The following TET2 variants were observed in gnomAD, a reference collection of about 807,000 sequenced individuals.
TET2 encodes methylcytosine dioxygenase TET2.
TET2 carries 299 observed loss-of-function variants against 142.9 expected under a neutral mutation model. The observed-to-expected ratio is 2.09, with a 90% CI of 1.90 to 2.30. The LOEUF (loss-of-function observed/expected upper bound fraction) is 2.30. Ranked by LOEUF, TET2 falls within the 30% of genes most tolerant of loss-of-function variation. The pLI is 0.00. For missense variants in TET2, 2,418 were observed against 2,378.0 expected, an observed-to-expected ratio of 1.02 and a Z score of -0.35; for synonymous variants, 819 against 849.0, an observed-to-expected ratio of 0.96 and a Z score of 0.61.
At chr4:105,262,317 T>C (rs2726458) in intron 8 of TET2, among the ~76,000 whole-genome samples, 97,092 of 152,050 alleles carry the variant, frequency 0.64, 32,164 homozygotes, top group African/African-American at 0.83. Context: ...CAGATTTTGC[T>C]GATCTTCCTT....
chr4:105,178,669 C>T (rs1422225782), intron 1 of TET2, among the ~76,000 whole-genome samples: 1 of 152,006 alleles, frequency 6.6e-6, no homozygotes, highest in Non-Finnish European at 1.5e-5. Context: ...TCTGTGGGGA[C>T]AGGGGTATAT....
chr4:105,148,986 A>T (rs1723170891), intron 1 of TET2, among the ~76,000 whole-genome samples: 1 of 152,190 alleles, frequency 6.6e-6, no homozygotes, highest in East Asian at 1.9e-4. Flanking sequence ...CATGATTACA[A>T]GGGAGAAGCA....
chr4:105,155,581 T>G (rs909285030), intron 1 of TET2, among the ~76,000 whole-genome samples: 1 of 152,244 alleles, frequency 6.6e-6, no homozygotes, highest in Non-Finnish European at 1.5e-5. Flanking sequence ...TCTAACCTTA[T>G]GTAATTCTAG....
intron 3 of TET2, 181 bp downstream of exon 3, chr4:105,237,532 G>T: frequency 1.3e-6 from 2 of 1,570,510 alleles, no homozygotes; most frequent in South Asian, 1.2e-5. Flanking sequence ...TTGTGAAAGA[G>T]AACTTCACTT....
intron 6 of TET2, among the ~76,000 whole-genome samples, chr4:105,244,985 C>CT (rs1464202811): frequency 6.6e-6 from 1 of 152,210 alleles, no homozygotes; most frequent in Non-Finnish European, 1.5e-5. Context: ...ATCCACCAAA[C>CT]TATAGAATCA....
chr4:105,150,052 A>G (rs940264544), intron 1 of TET2, among the ~76,000 whole-genome samples: 2 of 152,210 alleles, frequency 1.3e-5, no homozygotes, highest in Non-Finnish European at 2.9e-5. Flanking sequence ...TTGTAAGTCA[A>G]ATGTCACTAT....
intron 1 of TET2, among the ~76,000 whole-genome samples, chr4:105,151,496 C>G (rs984391300): frequency 4.0e-5 from 6 of 150,006 alleles, no homozygotes; most frequent in African/African-American, 1.5e-4. Flanking sequence ...TATATATTTT[C>G]AATATATAAT....
intron 1 of TET2, among the ~76,000 whole-genome samples, chr4:105,189,502 TCTC>T (rs968165688): frequency 4.0e-5 from 6 of 151,168 alleles, no homozygotes; most frequent in African/African-American, 1.4e-4. Context: ...AGCTTTTTAA[TCTC>T]CTCCAATTTG....
intron 1 of TET2, among the ~76,000 whole-genome samples, chr4:105,156,802 C>G (rs1723589225): frequency 6.6e-6 from 1 of 152,120 alleles, no homozygotes; most frequent in South Asian, 2.1e-4. Context: ...AGTAGAGCAC[C>G]AGAATGTGAG....
In TET2 at chr4:105,275,537, A is replaced by G; in HGVS notation, c.5027A>G (p.His1676Arg). 1 of 1,551,670 alleles carries G rather than the reference A, an allele frequency of 6.4e-7. No homozygotes were observed. The highest frequency in any genetic ancestry group is 8.7e-7 in the Non-Finnish European group (1 of 1,146,958). ...PLSKLSLPPI[H>R]TLYQPRFGNS... ...TCTAAGCTCAGTCTACCACCCATCC[A>G]TACACTTTACCAGCCAAGGTTTGGA... The change falls in exon 11 of 11, where the codon CAT (histidine) becomes CGT (arginine). Residue 1676 changes from histidine to arginine, a missense_variant. Transcript: ENST00000380013.
At chr4:105,269,582 C>G in intron 8 of TET2, 28 bp from the exon 9 acceptor site, 1 of 1,549,114 alleles carries the variant, frequency 6.5e-7, no homozygotes, top group Non-Finnish European at 8.7e-7. Flanking sequence ...TAACTACTTT[C>G]GCATTCACAC....
rs1199619016 is a variant in TET2 at position 105,235,637 on chromosome 4, T to G, written c.1695T>G (p.Ile565Met). The G allele has an allele frequency of 6.2e-7, 1 of 1,614,164 alleles. No individual in the cohort carries two copies. The highest frequency in any genetic ancestry group is 1.1e-5 in the South Asian group (1 of 91,086). The change falls in exon 3 of 11, where the codon ATT becomes ATG. Residue 565 changes from isoleucine (I) to methionine (M), a missense_variant. By Grantham distance (10) the Ile-to-Met change is conservative. Transcript: ENST00000380013. Reference protein sequence around the residue: ...PTQHYLKPGWIELKAPRFHQA... With the variant: ...PTQHYLKPGWMELKAPRFHQA... ...AGCACTATCTGAAACCAGGATGGAT[T>G]GAATTGAAGGCCCCTCGTTTTCACC...
rs1728676794 is a variant in TET2, at chr4:105,234,104, G to A, written c.162G>A (p.Trp54Ter). 1.2e-6 allele frequency: 2 copies of A among 1,613,908 alleles called. No individual in the cohort carries two copies. The highest frequency in any genetic ancestry group is 1.7e-6 in the Non-Finnish European group (2 of 1,180,012). ...AHPEVNGDTK[W>*]HSFKSYYGIP... ...CAGAAGTAAATGGAGACACCAAGTGGCACTCTTTCAAAAGTTATTATGGAA... is the reference window on the plus strand; with the variant it reads ...CAGAAGTAAATGGAGACACCAAGTGACACTCTTTCAAAAGTTATTATGGAA... The change falls in exon 3 of 11, where the codon TGG (tryptophan) becomes TGA (stop). Residue 54 changes from tryptophan to a stop codon, truncating the protein, a stop_gained. Transcript: ENST00000380013. LOFTEE classifies it high-confidence loss of function.
intron 8 of TET2, among the ~76,000 whole-genome samples, chr4:105,265,966 G>A (rs1053596131): frequency 2.0e-5 from 3 of 152,140 alleles, no homozygotes; most frequent in African/African-American, 7.2e-5. Flanking sequence ...GAGAGGCCAA[G>A]GTGACGAGAG....
rs145901609 is a variant in TET2, at chr4:105,191,226, C to T, written c.-47+721C>T. 3.4e-3 allele frequency among the ~76,000 whole-genome samples: 518 copies of T among 152,084 alleles called. 1 individual carries two copies. The highest frequency in any genetic ancestry group is 0.012 in the African/African-American group (489 of 41,510). The stretch of plus-strand genomic sequence containing the variant: ...AAAATACAAAAGAAAGAGGGAGATA[C>T]AAAATACTTTTTTAATCATGTTCTT... On this transcript the variant is annotated intron_variant, in intron 2 of 10. Transcript: ENST00000380013.
intron 2 of TET2, among the ~76,000 whole-genome samples, chr4:105,217,656 T>C (rs1216922842): frequency 6.6e-6 from 1 of 152,052 alleles, no homozygotes. Flanking sequence ...AAGTTTTAAA[T>C]TAGAAAAAAA....
At position 105,269,753 on chromosome 4, in the gene TET2, T is replaced by G. The variant is rs2110301194; in HGVS notation, c.4182+6T>G. 1.3e-6 allele frequency: 2 copies of G among 1,551,524 alleles called. No homozygotes were observed. Among genetic ancestry groups the G allele is most frequent in the Non-Finnish European group, 1.7e-6 (2 of 1,146,864 alleles). ...TGCAGAATGGCAGCACATTGGTAAG[T>G]TGGGCTGAGGACAGCTTAGCAGCTG... On this transcript the variant is annotated splice_donor_region_variant and intron_variant, in intron 9 of 10. Transcript: ENST00000380013.
At chr4:105,155,627 C>T (rs769936025) in intron 1 of TET2, among the ~76,000 whole-genome samples, 6 of 152,162 alleles carry the variant, frequency 3.9e-5, no homozygotes, top group Non-Finnish European at 7.4e-5. Context: ...GCTTCTCTCC[C>T]TTTTTATTCT....
At chr4:105,250,084 A>G (rs1158278003) in intron 6 of TET2, among the ~76,000 whole-genome samples, 2 of 152,176 alleles carry the variant, frequency 1.3e-5, no homozygotes, top group Non-Finnish European at 2.9e-5. Flanking sequence ...ATGGTGAGAG[A>G]TAAGAGTCCA....
Sources: gnomAD v4.1 joint callset for allele counts (sites outside exome capture counted in the v4.1 genomes callset) on GRCh38, gnomAD v4.1.1 for gene constraint, MANE v1.5 for transcripts, NCBI Gene and HGNC (gene_info 2026-07-23, HGNC 2026-07-21) for gene names.